The following DEFB110 variants were observed in gnomAD, a reference collection of about 807,000 sequenced individuals.
The protein encoded by DEFB110 is defensin beta 110.
A neutral mutation model predicts 2.5 loss-of-function variants in DEFB110; 4 were observed. The ratio of observed to expected loss-of-function variants is 1.60; its 90% confidence interval spans 0.79 to 3.66. DEFB110 has a LOEUF of 3.66. Ranked by LOEUF, DEFB110 falls within the 30% of genes most tolerant of loss-of-function variation. The pLI is 0.01. For missense variants in DEFB110, 94 were observed against 75.4 expected, an observed-to-expected ratio of 1.25 and a Z score of -0.91; for synonymous variants, 29 against 21.8, an observed-to-expected ratio of 1.33 and a Z score of -0.92.
Position 50,021,916 on chromosome 6 carries a change from A to G in DEFB110, c.20T>C (p.Phe7Ser). The change falls in exon 1 of 2, where the codon TTC becomes TCC. Residue 7 changes from phenylalanine (F) to serine (S), a missense_variant. Phe to Ser is a radical substitution (Grantham distance 155). Transcript: ENST00000371148. MKIQLF[F>S]FILHFWVTIL... ...TGTGACCCAAAAGTGCAGAATAAAG[A>G]AAAAAAGTTGAATCTTCATGGTAGA... The G allele has an allele frequency of 6.4e-7, 1 of 1,561,092 alleles. No homozygotes were observed. Among genetic ancestry groups the G allele is most frequent in the Non-Finnish European group, 8.6e-7 (1 of 1,161,844 alleles).
At chr6:50,014,797 C>G (rs183310482), downstream of DEFB110, among the ~76,000 whole-genome samples, 3 of 151,838 alleles carry the variant, frequency 2.0e-5, no homozygotes, top group East Asian at 1.9e-4. Flanking sequence ...ATTAACCTGC[C>G]AATCAGCAAC....
chr6:50,009,177 A>G (rs976310723), exon 2 of DEFB110: 3 of 1,611,480 alleles, frequency 1.9e-6, no homozygotes. Context: ...TGCAGTATCC[A>G]TAATCATACT....
chr6:50,017,896 G>A (rs977319508), downstream of DEFB110, among the ~76,000 whole-genome samples: 12 of 151,712 alleles, frequency 7.9e-5, no homozygotes, highest in African/African-American at 2.9e-4. Flanking sequence ...TGACCTATAT[G>A]TACTGTTTAA....
At chr6:50,019,260 T>C (rs2113942430) in intron 1 of DEFB110, 135 bp from the exon 2 acceptor site, 1 of 886,566 alleles carries the variant, frequency 1.1e-6, no homozygotes, top group Non-Finnish European at 1.7e-6. Context: ...TTTAAGTGAA[T>C]TTACTGTCCC....
chr6:50,021,843 TTTG>T, intron 1 of DEFB110, 35 bp downstream of exon 1: 1 of 1,524,874 alleles, frequency 6.6e-7, no homozygotes, highest in Non-Finnish European at 8.8e-7. Context: ...TCTTCTCAAA[TTTG>T]TTAGTATAAA....
intron 1 of DEFB110, among the ~76,000 whole-genome samples, chr6:50,009,696 C>A (rs997780284): frequency 6.6e-6 from 1 of 152,076 alleles, no homozygotes; most frequent in African/African-American, 2.4e-5. Context: ...AGTGGTCACA[C>A]AAATAGTAAT....
At position 50,018,988 on chromosome 6, in the gene DEFB110, AG is replaced by A. The variant is rs1412730820; in HGVS notation, c.192del (p.Leu65CysfsTer40). 17 of 1,610,898 alleles carry A rather than the reference AG, an allele frequency of 1.1e-5. No homozygotes were observed. The Admixed American group carries it at 2.5e-4, about 24-fold the overall frequency. On this transcript the variant is annotated frameshift_variant, in exon 2 of 2. Transcript: ENST00000371148. LOFTEE classifies it high-confidence loss of function. Reference sequence around the variant, plus strand: ...TTCTTCTGTCATCGTTACTGCTGCAAGCAGCAATGAGTTCCAGGTCTTATGC... The same window carrying A: ...TTCTTCTGTCATCGTTACTGCTGCAACAGCAATGAGTTCCAGGTCTTATGC... ...AYCIRPGTHC[C>X]LQQ is the part of the protein sequence containing the mutation.
At chr6:50,018,671 T>C (rs111397223), downstream of DEFB110, among the ~76,000 whole-genome samples, 4 of 152,008 alleles carry the variant, frequency 2.6e-5, no homozygotes, top group African/African-American at 9.7e-5. Context: ...CCCACAACCT[T>C]ACTTATGGCA....
chr6:50,018,470 T>A (rs1223661589), downstream of DEFB110, among the ~76,000 whole-genome samples: 1 of 152,012 alleles, frequency 6.6e-6, no homozygotes, highest in African/African-American at 2.4e-5. Flanking sequence ...ATACTCATGA[T>A]CCTTTCACTT....
intron 1 of DEFB110, among the ~76,000 whole-genome samples, chr6:50,020,101 C>G (rs1457358066): frequency 2.6e-5 from 4 of 151,950 alleles, no homozygotes; most frequent in Admixed American, 6.6e-5. Context: ...GCTGGGGTCA[C>G]AAGAAGACAT....
chr6:50,018,835 A>T, downstream of DEFB110: 1 of 1,360,960 alleles, frequency 7.3e-7, no homozygotes, highest in South Asian at 1.9e-5. Flanking sequence ...GTGACATATG[A>T]TCACTTCTGA....
At chr6:50,015,264 A>G (rs1320067599), downstream of DEFB110, among the ~76,000 whole-genome samples, 2 of 151,764 alleles carry the variant, frequency 1.3e-5, no homozygotes, top group Non-Finnish European at 2.9e-5. Flanking sequence ...CACCTATATT[A>G]TTTACTACTT....
chr6:50,020,356 A>G (rs1481487135), intron 1 of DEFB110, among the ~76,000 whole-genome samples: 1 of 152,020 alleles, frequency 6.6e-6, no homozygotes, highest in Non-Finnish European at 1.5e-5. Flanking sequence ...TTATATTTTA[A>G]ATTGTACCAA....
chr6:50,012,235 T>A (rs1261252571), intron 1 of DEFB110, among the ~76,000 whole-genome samples: 1 of 152,018 alleles, frequency 6.6e-6, no homozygotes, highest in Admixed American at 6.6e-5. Flanking sequence ...TAATTCCTGC[T>A]ATGGCTTTTT....
intron 1 of DEFB110, among the ~76,000 whole-genome samples, chr6:50,012,752 G>T (rs1192027106): frequency 6.6e-6 from 1 of 151,700 alleles, no homozygotes; most frequent in Non-Finnish European, 1.5e-5. Flanking sequence ...CTCTTTTTGT[G>T]ATTCATACAA....
At chr6:50,021,023 C>T (rs1326826982) in intron 1 of DEFB110, among the ~76,000 whole-genome samples, 2 of 152,054 alleles carry the variant, frequency 1.3e-5, no homozygotes, top group African/African-American at 4.8e-5. Flanking sequence ...CTTTCTAAAA[C>T]ATTATTGTCT....
chr6:50,012,498 G>A (rs190419317), intron 1 of DEFB110, among the ~76,000 whole-genome samples: 7 of 151,908 alleles, frequency 4.6e-5, no homozygotes, highest in Admixed American at 2.0e-4. Context: ...TGTCAACTTA[G>A]CAAGTGACTT....
downstream of DEFB110, among the ~76,000 whole-genome samples, chr6:50,017,181 C>T (rs1361934973): frequency 6.6e-6 from 1 of 151,676 alleles, no homozygotes; most frequent in East Asian, 1.9e-4. Context: ...CTAATATATT[C>T]ATTATCCAAA....
chr6:50,020,927 G>A (rs879753433), intron 1 of DEFB110, among the ~76,000 whole-genome samples: 3 of 152,134 alleles, frequency 2.0e-5, no homozygotes, highest in Non-Finnish European at 4.4e-5. Flanking sequence ...TTTGGCAAAA[G>A]TTCTGTCATG....
Sources: gnomAD v4.1 joint callset for allele counts (sites outside exome capture counted in the v4.1 genomes callset) on GRCh38, gnomAD v4.1.1 for gene constraint, MANE v1.5 for transcripts, NCBI Gene and HGNC (gene_info 2026-07-23, HGNC 2026-07-21) for gene names.